PTPRS: variants seen among roughly 807,000 people sequenced by gnomAD.
PTPRS encodes protein tyrosine phosphatase receptor type S, also known as receptor-type tyrosine-protein phosphatase S.
PTPRS carries 63 observed loss-of-function variants against 215.3 expected under a neutral mutation model. The observed-to-expected ratio is 0.29, with a 90% CI of 0.24 to 0.36. The LOEUF is 0.36. PTPRS is among the 10% of genes least tolerant of loss of function. The pLI, the probability that PTPRS is intolerant of heterozygous loss-of-function variation, is 1.00. For synonymous variants in PTPRS, 1,404 were observed against 1,191.4 expected, an observed-to-expected ratio of 1.18 and a Z score of -3.68; for missense variants, 2,258 against 2,825.8, an observed-to-expected ratio of 0.80 and a Z score of 4.56.
At chr19:5,222,022 G>T in intron 19 of PTPRS, 101 bp downstream of exon 19, 2 of 937,334 alleles carry the variant, frequency 2.1e-6, no homozygotes, top group Non-Finnish European at 3.5e-6. Context: ...ACTGAGCCCT[G>T]ATCCCTCACT....
chr19:5,207,107 C>T (rs544614031), intron 37 of PTPRS, among the ~76,000 whole-genome samples: 9 of 152,308 alleles, frequency 5.9e-5, no homozygotes, highest in East Asian at 1.9e-4. Flanking sequence ...TATTTTGAGA[C>T]GGAGTCTCGC....
rs1268877334 is a variant in PTPRS at position 5,210,080 on chromosome 19, A to G, written c.5487+389T>C. Among the ~76,000 whole-genome samples, 1 of 151,342 alleles carries G rather than the reference A, an allele frequency of 6.6e-6. No individual in the cohort carries two copies. The highest frequency in any genetic ancestry group is 1.5e-5 in the Non-Finnish European group (1 of 67,816). On this transcript the variant is annotated intron_variant, in intron 35 of 37. Transcript: ENST00000262963. The surrounding 1 kb of genome is among the most constrained non-coding windows in gnomAD (Gnocchi z 4.5). ...ACACCATCCATACTCATCTCTCCTC[A>G]CCCAACGGTGCCAGTCCCCACCATC... is the stretch of plus-strand genomic sequence containing the variant.
intron 13 of PTPRS, among the ~76,000 whole-genome samples, chr19:5,235,461 C>T (rs1165447973): frequency 1.3e-5 from 2 of 152,122 alleles, no homozygotes; most frequent in Non-Finnish European, 2.9e-5. Context: ...TGTAACCAGC[C>T]CTATCCCACA....
chr19:5,311,279 G>A (rs1287781588), intron 1 of PTPRS, among the ~76,000 whole-genome samples: 1 of 152,104 alleles, frequency 6.6e-6, no homozygotes, highest in African/African-American at 2.4e-5. Flanking sequence ...TAAAGTGCTG[G>A]GATTATAGGC....
rs758242063 is a variant in PTPRS, at chr19:5,265,022, T to C, written c.554A>G (p.Lys185Arg). 49 of 1,614,084 alleles carry C rather than the reference T, an allele frequency of 3.0e-5. No homozygotes were observed. The highest frequency in any genetic ancestry group is 3.3e-4 in the Middle Eastern group (2 of 6,058). ...VDPSASNGRI[K>R]QLRSETFEST... ...CCCTCACTCACCTGATCGCAGCTGT[T>C]TGATGCGTCCATTGCTGGCACTAGG... The change falls in exon 5 of 38, where the codon AAA becomes AGA. Residue 185 changes from lysine to arginine, a missense_variant. By Grantham distance (26) the Lys-to-Arg change is conservative. Coordinates refer to ENST00000262963, the MANE Select transcript of PTPRS (RefSeq NM_002850.4).
intron 1 of PTPRS, among the ~76,000 whole-genome samples, chr19:5,327,808 C>T (rs532410198): frequency 6.6e-6 from 1 of 152,022 alleles, no homozygotes; most frequent in Non-Finnish European, 1.5e-5. Context: ...CCTATGTTGC[C>T]CAGGTTGGAC....
At chr19:5,249,259 TGAGATCGTGCCACC>T (rs1205200631) in intron 9 of PTPRS, among the ~76,000 whole-genome samples, 1 of 152,170 alleles carries the variant, frequency 6.6e-6, no homozygotes, top group East Asian at 1.9e-4. Context: ...TGCAGTGAAC[TGAGATCGTGCCACC>T]GCACTCCAGC....
intron 28 of PTPRS, 94 bp from the exon 29 acceptor site, chr19:5,214,830 G>C: frequency 1.6e-6 from 2 of 1,283,946 alleles, no homozygotes; most frequent in Non-Finnish European, 2.1e-6. Context: ...CACTCTGACC[G>C]CTCCCAGATT....
intron 11 of PTPRS, among the ~76,000 whole-genome samples, chr19:5,242,365 G>A (rs2044113693): frequency 1.3e-5 from 2 of 152,036 alleles, no homozygotes; most frequent in Non-Finnish European, 2.9e-5. Context: ...CAAAAATTTG[G>A]CTAGGATAAC....
At chr19:5,235,513 C>T (rs560259155) in intron 13 of PTPRS, among the ~76,000 whole-genome samples, 4 of 152,348 alleles carry the variant, frequency 2.6e-5, no homozygotes, top group Admixed American at 6.5e-5. Context: ...GCATCTACTA[C>T]GTGCCTCACA....
At chr19:5,321,966 A>G (rs994511199) in intron 1 of PTPRS, among the ~76,000 whole-genome samples, 2 of 152,230 alleles carry the variant, frequency 1.3e-5, no homozygotes, top group African/African-American at 4.8e-5. Context: ...TTTCACAAAT[A>G]AACTGAGGCT....
chr19:5,275,323 G>A (rs901234209), intron 2 of PTPRS, among the ~76,000 whole-genome samples: 3 of 151,512 alleles, frequency 2.0e-5, no homozygotes, highest in African/African-American at 4.8e-5. Flanking sequence ...GCCTGCCTTC[G>A]CCTCCCAAAG....
chr19:5,257,688 C>T lies in PTPRS; in HGVS notation c.706+329G>A, dbSNP rs1311803667. Among the ~76,000 whole-genome samples, 1 of 152,106 alleles carries T rather than the reference C, an allele frequency of 6.6e-6. No homozygotes were observed. The highest frequency in any genetic ancestry group is 1.5e-5 in the Non-Finnish European group (1 of 68,018). ...GTGGGGCGGGGCAGAGGCCTGCAGG[C>T]TCCCCTGGCCCTGTAGGCCCAAGAC... On this transcript the variant is annotated intron_variant, in intron 8 of 37. Coordinates refer to ENST00000262963, the MANE Select transcript of PTPRS (RefSeq NM_002850.4). This position sits in a 1 kb window ranked among gnomAD's most constrained non-coding sequence, Gnocchi z 4.4.
At chr19:5,228,007 G>C (rs1194834969) in intron 16 of PTPRS, among the ~76,000 whole-genome samples, 1 of 152,092 alleles carries the variant, frequency 6.6e-6, no homozygotes, top group Non-Finnish European at 1.5e-5. Flanking sequence ...ATAAGGAGGG[G>C]TGACGGGGAT....
intron 5 of PTPRS, 59 bp from the exon 6 acceptor site, chr19:5,263,031 A>G (rs2146339273): frequency 7.0e-7 from 1 of 1,419,532 alleles, no homozygotes; most frequent in Non-Finnish European, 9.7e-7. Context: ...GGGTGGTTAC[A>G]AAGAATCCTA....
chr19:5,264,843 G>A (rs1490467771), intron 5 of PTPRS, among the ~76,000 whole-genome samples, 165 bp downstream of exon 5: 1 of 152,226 alleles, frequency 6.6e-6, no homozygotes. Flanking sequence ...CTCAGTGTGC[G>A]GCTTTGAAGA....
Position 5,211,585 on chromosome 19 carries a change from C to T in PTPRS, c.5234+5G>A, listed in dbSNP as rs753096321. ...GCCCTGAGGTGGGAAAGGCATGGCACCTACCTGTAGCCATCAATGAAGCTG... is the reference window on the plus strand; with the variant it reads ...GCCCTGAGGTGGGAAAGGCATGGCATCTACCTGTAGCCATCAATGAAGCTG... On this transcript the variant is annotated splice_donor_5th_base_variant and intron_variant, in intron 33 of 37. Coordinates refer to ENST00000262963, the MANE Select transcript of PTPRS (RefSeq NM_002850.4). 3.9e-5 allele frequency: 62 copies of T among 1,603,342 alleles called. 1 individual carries two copies. The highest frequency in any genetic ancestry group is 4.9e-5 in the Non-Finnish European group (57 of 1,171,288).
intron 2 of PTPRS, among the ~76,000 whole-genome samples, chr19:5,282,746 G>A (rs2047966709): frequency 6.6e-6 from 1 of 151,702 alleles, no homozygotes; most frequent in Non-Finnish European, 1.5e-5. Flanking sequence ...AGGCTGCAGT[G>A]GGAGCCGAGA....
At chr19:5,332,458 T>G (rs2050358552) in intron 1 of PTPRS, among the ~76,000 whole-genome samples, 1 of 152,186 alleles carries the variant, frequency 6.6e-6, no homozygotes, top group Non-Finnish European at 1.5e-5. Flanking sequence ...AAAATCTAGA[T>G]TTCTGCTTTT....
Sources: gnomAD v4.1 joint callset for allele counts (sites outside exome capture counted in the v4.1 genomes callset) on GRCh38, gnomAD v4.1.1 for gene constraint, Gnocchi (gnomAD v3.1) non-coding constraint, MANE v1.5 for transcripts, NCBI Gene and HGNC (gene_info 2026-07-23, HGNC 2026-07-21) for gene names.